Variants in NAE1 observed in about 807,000 individuals in gnomAD.
NAE1 encodes NEDD8 activating enzyme E1 subunit 1, also known as NEDD8-activating enzyme E1 regulatory subunit.
NAE1 carries 59 observed loss-of-function variants against 88.0 expected under a neutral mutation model. That is an observed-to-expected ratio of 0.67 (90% confidence interval 0.54 to 0.83). The LOEUF is 0.83. Ranked by LOEUF, NAE1 falls within the 40% of genes least tolerant of loss-of-function variation. The probability of loss-of-function intolerance (pLI) is 0.00; values close to 1 mark genes in which losing one functional copy is unlikely to be tolerated. For missense variants in NAE1, 554 were observed against 632.8 expected (o/e 0.88, Z 1.34); for synonymous variants, 186 against 208.9 (o/e 0.89, Z 0.95).
At chr16:66,827,567 CA>C (rs11372346) in intron 1 of NAE1, 96 of 139,712 alleles carry the variant, frequency 6.9e-4, no homozygotes, top group Middle Eastern at 2.1e-3. Flanking sequence ...GACTCCGTCT[CA>C]AAAAAAAAAA....
intron 3 of NAE1, among the ~76,000 whole-genome samples, chr16:66,825,833 A>C (rs774189609): frequency 2.6e-5 from 4 of 152,180 alleles, no homozygotes; most frequent in Non-Finnish European, 4.4e-5. Context: ...TATTTTTATC[A>C]CTTTCTACTC....
chr16:66,829,175 AAAG>A (rs1960594404), intron 1 of NAE1, among the ~76,000 whole-genome samples: 2 of 152,194 alleles, frequency 1.3e-5, no homozygotes, highest in Non-Finnish European at 2.9e-5. Context: ...TCTCACTATG[AAAG>A]TAAAGTTTGG....
At chr16:66,830,188 CCAAG>C (rs1224593795) in intron 1 of NAE1, among the ~76,000 whole-genome samples, 1 of 151,988 alleles carries the variant, frequency 6.6e-6, no homozygotes, top group Non-Finnish European at 1.5e-5. Context: ...TGCCGGTCCT[CCAAG>C]ACAGTTTTAA....
intron 1 of NAE1, chr16:66,827,876 G>A (rs1343014031): frequency 8.4e-6 from 8 of 948,596 alleles, no homozygotes; most frequent in Non-Finnish European, 1.3e-5. Flanking sequence ...TTTTGATACA[G>A]GGTCTTACTA....
At chr16:66,829,666 T>C (rs1555512998) in intron 1 of NAE1, among the ~76,000 whole-genome samples, 1 of 152,106 alleles carries the variant, frequency 6.6e-6, no homozygotes, top group Non-Finnish European at 1.5e-5. Context: ...AGCTTTGTTA[T>C]CTCCACAGCC....
At chr16:66,818,091 G>A (rs530658465) in intron 8 of NAE1, among the ~76,000 whole-genome samples, 6 of 152,134 alleles carry the variant, frequency 3.9e-5, no homozygotes, top group Admixed American at 2.0e-4. Context: ...CCCCTCAAGC[G>A]TTTATCCTTT....
At chr16:66,810,556 A>T in intron 14 of NAE1, 141 bp downstream of exon 14, 1 of 1,091,514 alleles carries the variant, frequency 9.2e-7, no homozygotes, top group Non-Finnish European at 1.4e-6. Flanking sequence ...TTTCCTTATC[A>T]CAAGCTATCC....
At position 66,816,575 on chromosome 16, in the gene NAE1, C is replaced by G. The variant is rs943356705; in HGVS notation, c.840+6G>C. Reference sequence around the variant, plus strand: ...CATGTGAATCCCTCAGCAACTCTTTCATTACCTGAGTTGTATTTAGTGCTG... The same window carrying G: ...CATGTGAATCCCTCAGCAACTCTTTGATTACCTGAGTTGTATTTAGTGCTG... On this transcript the variant is annotated splice_donor_region_variant and intron_variant, in intron 11 of 19. Transcript: ENST00000290810. 1.3e-6 allele frequency: 2 copies of G among 1,588,308 alleles called. No homozygotes were observed. The highest frequency in any genetic ancestry group is 1.1e-5 in the South Asian group (1 of 89,956).
intron 19 of NAE1, among the ~76,000 whole-genome samples, chr16:66,804,456 G>C (rs1027073312): frequency 3.9e-5 from 6 of 152,132 alleles, no homozygotes; most frequent in African/African-American, 1.4e-4. Flanking sequence ...TCTGAATCAG[G>C]CTTTAATTTG....
At chr16:66,828,168 T>C (rs971079309) in intron 1 of NAE1, 17 of 967,412 alleles carry the variant, frequency 1.8e-5, no homozygotes, top group Non-Finnish European at 2.5e-5. Context: ...GATGGATGCT[T>C]AGATAGTTGG....
intron 17 of NAE1, among the ~76,000 whole-genome samples, chr16:66,807,467 C>T (rs1471846343): frequency 1.3e-5 from 2 of 152,002 alleles, no homozygotes; most frequent in Non-Finnish European, 2.9e-5. Flanking sequence ...CGGAGAAACC[C>T]TGTTTCTACT....
chr16:66,804,411 A>G (rs1466151994), intron 19 of NAE1, among the ~76,000 whole-genome samples: 2 of 152,226 alleles, frequency 1.3e-5, no homozygotes, highest in African/African-American at 2.4e-5. Context: ...ACTTTGGCAC[A>G]AGAGACTACT....
At position 66,808,550 on chromosome 16, in the gene NAE1, C is replaced by G; in HGVS notation, c.1301G>C (p.Arg434Thr). The G allele has an allele frequency of 6.2e-7, 1 of 1,603,202 alleles. No homozygotes were observed. The highest frequency in any genetic ancestry group is 8.5e-7 in the Non-Finnish European group (1 of 1,172,524). The change falls in exon 17 of 20, where the codon AGA (arginine) becomes ACA (threonine). Residue 434 changes from arginine (R) to threonine (T), a missense_variant. By Grantham distance (71) the Arg-to-Thr change is moderately conservative. Transcript: ENST00000290810. ...VLYLMLRAVDRFHKQQGRYPG... is the reference protein window; with the variant it reads ...VLYLMLRAVDTFHKQQGRYPG... ...ATATCTACCCTGTTGTTTATGAAAT[C>G]TATCAACAGCCCGTAACATTAAGTA...
At position 66,830,894 on chromosome 16, in the gene NAE1, C is replaced by T; in HGVS notation, c.6G>A (p.Ala2=). The T allele has an allele frequency of 6.5e-7, 1 of 1,535,648 alleles. No individual in the cohort carries two copies. Among genetic ancestry groups the T allele is most frequent in the South Asian group, 1.2e-5 (1 of 84,012 alleles). Residue 2 remains alanine, a synonymous_variant, in exon 1 of 20, where the codon GCG becomes GCA. Coordinates refer to ENST00000290810, the MANE Select transcript of NAE1 (RefSeq NM_003905.4). M[A]QLGKLLKEQK... ...GCTCCTTGAGCAGCTTTCCCAGCTG[C>T]GCCATGGCCGCGCCTGCCGCGCGGA...
chr16:66,815,894 T>A (rs1960024177), intron 11 of NAE1, among the ~76,000 whole-genome samples: 1 of 150,760 alleles, frequency 6.6e-6, no homozygotes, highest in South Asian at 2.1e-4. Context: ...GACTCCTGAC[T>A]TCATGTGATC....
chr16:66,823,366 A>G, intron 5 of NAE1, 60 bp from the exon 6 acceptor site: 2 of 1,420,590 alleles, frequency 1.4e-6, no homozygotes, highest in Admixed American at 2.1e-5. Context: ...ATCATATTAA[A>G]CATGGCAGAG....
chr16:66,803,529 A>C (rs1959438430), intron 19 of NAE1, among the ~76,000 whole-genome samples: 1 of 152,154 alleles, frequency 6.6e-6, no homozygotes, highest in Non-Finnish European at 1.5e-5. Context: ...TACTAAGAAA[A>C]AAACTTGTGC....
intron 1 of NAE1, chr16:66,828,107 TG>T: frequency 6.5e-7 from 1 of 1,539,928 alleles, no homozygotes. Flanking sequence ...CGTAAACGCC[TG>T]TTTTCTCCAT....
At chr16:66,823,175 CAA>C in intron 6 of NAE1, 50 bp downstream of exon 6, 1 of 1,091,136 alleles carries the variant, frequency 9.2e-7, no homozygotes, top group Non-Finnish European at 1.3e-6. Context: ...GAAAATAAAA[CAA>C]TGCAAATCTA....
Sources: gnomAD v4.1 joint callset for allele counts (sites outside exome capture counted in the v4.1 genomes callset) on GRCh38, gnomAD v4.1.1 for gene constraint, MANE v1.5 for transcripts, NCBI Gene and HGNC (gene_info 2026-07-23, HGNC 2026-07-21) for gene names.